The following RAPGEF6 variants were observed in gnomAD, a reference collection of about 807,000 sequenced individuals.
The protein encoded by RAPGEF6 is PDZ domain containing guanine nucleotide exchange factor (GEF) 2.
Under a neutral mutation model 171.4 loss-of-function variants are expected in RAPGEF6, and 56 were observed. That is an observed-to-expected ratio of 0.33 (90% CI 0.26 to 0.41). RAPGEF6 has a LOEUF of 0.41. Among genes scored for constraint, RAPGEF6 ranks in the 10% least tolerant of loss-of-function variants. RAPGEF6 has a pLI of 1.00. For synonymous variants in RAPGEF6, 692 were observed against 650.1 expected (o/e 1.06, Z -0.98); for missense variants, 1,674 against 1,921.4 (o/e 0.87, Z 2.41).
At chr5:131,576,525 C>CT (rs1762613931) in intron 4 of RAPGEF6, among the ~76,000 whole-genome samples, 1 of 152,282 alleles carries the variant, frequency 6.6e-6, no homozygotes, top group African/African-American at 2.4e-5. Flanking sequence ...CTCCTTAAGG[C>CT]TGCTCTACTG....
chr5:131,514,116 G>A (rs1043120618), intron 7 of RAPGEF6, among the ~76,000 whole-genome samples: 4 of 152,122 alleles, frequency 2.6e-5, no homozygotes, highest in East Asian at 1.9e-4. Flanking sequence ...AATAAAATTA[G>A]TTAAGAAAAT....
intron 15 of RAPGEF6, among the ~76,000 whole-genome samples, chr5:131,486,619 TTATTATC>T (rs1237179748): frequency 1.3e-5 from 2 of 152,184 alleles, no homozygotes; most frequent in East Asian, 1.9e-4. Context: ...TTTCTCAACT[TTATTATC>T]TATTCTTTCA....
intron 4 of RAPGEF6, among the ~76,000 whole-genome samples, chr5:131,571,172 C>T (rs1007528289): frequency 3.6e-4 from 54 of 152,066 alleles, no homozygotes; most frequent in African/African-American, 1.2e-3. Flanking sequence ...AAACTCCCAA[C>T]TTCAGGTGAT....
At chr5:131,521,708 TC>T in intron 6 of RAPGEF6, among the ~76,000 whole-genome samples, 187 bp from the exon 7 acceptor site, 1 of 152,122 alleles carries the variant, frequency 6.6e-6, no homozygotes, top group East Asian at 1.9e-4. Flanking sequence ...TATTAGACAA[TC>T]CTACAATGGT....
At position 131,581,307 on chromosome 5, in the gene RAPGEF6, G is replaced by C. The variant is rs188684778; in HGVS notation, c.281+11076C>G. 3.0e-3 allele frequency among the ~76,000 whole-genome samples: 461 copies of C among 152,198 alleles called. 2 individuals are homozygous for C. The highest frequency in any genetic ancestry group is 0.01 in the African/African-American group (429 of 41,510). ...ACAGAGCTCAAAAACTCACTAATCA[G>C]GCAACTAATTACACTGGACCCACCT... On this transcript the variant is annotated intron_variant, in intron 4 of 27. Transcript: ENST00000509018.
intron 3 of RAPGEF6, among the ~76,000 whole-genome samples, chr5:131,596,420 C>A (rs1442452953): frequency 6.6e-6 from 1 of 151,064 alleles, no homozygotes; most frequent in Non-Finnish European, 1.5e-5. Flanking sequence ...ACCCCAAACA[C>A]TGGAGTGCCC....
intron 11 of RAPGEF6, among the ~76,000 whole-genome samples, chr5:131,500,401 G>A (rs962768021): frequency 6.6e-6 from 1 of 152,074 alleles, no homozygotes; most frequent in African/African-American, 2.4e-5. Flanking sequence ...CCATTTCCTA[G>A]AATAGCTGAG....
chr5:131,492,885 T>A, intron 13 of RAPGEF6, 100 bp from the exon 14 acceptor site: 1 of 1,168,032 alleles, frequency 8.6e-7, no homozygotes, highest in Admixed American at 2.2e-5. Context: ...TAAATATACA[T>A]GTATAAGCTG....
chr5:131,464,193 T>A lies in RAPGEF6; in HGVS notation c.2328A>T (p.Val776=). Residue 776 remains valine (V), a synonymous_variant, in exon 18 of 28, where the codon GTA becomes GTT. Transcript: ENST00000509018. ...IISKDTTAKE[V]VFHAVHEFGL... ...CAAATTCATGAACAGCATGAAAAAC[T>A]ACTTCTTTAGCTGTGGTGTCTTTAC... is the stretch of plus-strand genomic sequence containing the variant. 1 of 1,613,822 alleles carries A rather than the reference T, an allele frequency of 6.2e-7. No homozygotes were observed. Among genetic ancestry groups the A allele is most frequent in the Non-Finnish European group, 8.5e-7 (1 of 1,179,734 alleles).
chr5:131,462,119 A>G, intron 18 of RAPGEF6, 31 bp from the exon 19 acceptor site: 1 of 1,363,804 alleles, frequency 7.3e-7, no homozygotes, highest in South Asian at 1.8e-5. Context: ...AAATAAATGT[A>G]TTCATAAATA....
chr5:131,449,994 A>C, intron 21 of RAPGEF6: 1 of 1,530,656 alleles, frequency 6.5e-7, no homozygotes, highest in Non-Finnish European at 8.8e-7. Context: ...CACAACCTTC[A>C]TTCCAGTTGC....
At chr5:131,570,942 C>CCT (rs1762242730) in intron 4 of RAPGEF6, among the ~76,000 whole-genome samples, 2 of 128,562 alleles carry the variant, frequency 1.6e-5, no homozygotes, top group African/African-American at 6.0e-5. Context: ...TCCCCAACTA[C>CCT]TTTTTTTTTT....
chr5:131,430,600 AAAAAC>A (rs1751638244), intron 26 of RAPGEF6: 1 of 576,668 alleles, frequency 1.7e-6, no homozygotes, highest in Admixed American at 2.5e-5. Context: ...AAAAGAACTT[AAAAAC>A]AAAAGACAAA....
intron 6 of RAPGEF6, among the ~76,000 whole-genome samples, chr5:131,534,172 C>A (rs1255842126): frequency 6.6e-6 from 1 of 152,122 alleles, no homozygotes; most frequent in East Asian, 1.9e-4. Context: ...ATGGGGTGTG[C>A]AACATAAGAG....
intron 4 of RAPGEF6, among the ~76,000 whole-genome samples, chr5:131,589,329 T>C (rs951844865): frequency 1.3e-4 from 20 of 152,212 alleles, no homozygotes; most frequent in South Asian, 4.1e-4. Context: ...TAGTATAAGA[T>C]ATTGAAGGTA....
intron 6 of RAPGEF6, among the ~76,000 whole-genome samples, chr5:131,528,221 AAAT>A (rs367807233): frequency 0.057 from 7,216 of 127,456 alleles, 546 homozygotes; most frequent in African/African-American, 0.17. Context: ...AAATAAAATA[AAAT>A]AATATATTTA....
chr5:131,601,083 CA>C (rs34701964), intron 3 of RAPGEF6, among the ~76,000 whole-genome samples: 69 of 134,244 alleles, frequency 5.1e-4, no homozygotes, highest in East Asian at 8.9e-4. Flanking sequence ...AACTCCATTT[CA>C]AAAAAAAAAA....
chr5:131,450,099 G>GA, intron 21 of RAPGEF6: 1 of 1,484,712 alleles, frequency 6.7e-7, no homozygotes, highest in Non-Finnish European at 9.1e-7. Flanking sequence ...GGAAAGCACA[G>GA]AAAAAAGACA....
intron 22 of RAPGEF6, among the ~76,000 whole-genome samples, chr5:131,444,895 A>G (rs1176356656): frequency 6.6e-6 from 1 of 152,250 alleles, no homozygotes; most frequent in Non-Finnish European, 1.5e-5. Context: ...TAAAGCATGA[A>G]TAAATGTTAA....
Sources: gnomAD v4.1 joint callset for allele counts (sites outside exome capture counted in the v4.1 genomes callset) on GRCh38, gnomAD v4.1.1 for gene constraint, MANE v1.5 for transcripts, NCBI Gene and HGNC (gene_info 2026-07-23, HGNC 2026-07-21) for gene names.